DIP2C: variants seen among roughly 807,000 people sequenced by gnomAD.
DIP2C encodes the protein DIP2 acetate--CoA ligase C (putative).
DIP2C carries 33 observed loss-of-function variants against 192.4 expected under a neutral mutation model. That is an observed-to-expected ratio of 0.17 (90% CI 0.13 to 0.23). The LOEUF (loss-of-function observed/expected upper bound fraction) is 0.23. DIP2C is among the 10% of genes least tolerant of loss of function. The probability of loss-of-function intolerance (pLI) is 1.00; values close to 1 mark genes in which losing one functional copy is unlikely to be tolerated. For synonymous variants in DIP2C, 979 were observed against 864.1 expected, an observed-to-expected ratio of 1.13 and a Z score of -2.33; for missense variants, 1,537 against 2,110.1, an observed-to-expected ratio of 0.73 and a Z score of 5.32.
intron 1 of DIP2C, among the ~76,000 whole-genome samples, chr10:524,556 C>A (rs1411235212): frequency 6.6e-6 from 1 of 152,122 alleles, no homozygotes; most frequent in Non-Finnish European, 1.5e-5. Context: ...GTTGAGATTT[C>A]AAATCTCAAA....
At chr10:625,629 G>C (rs773205964) in intron 1 of DIP2C, among the ~76,000 whole-genome samples, 8 of 152,174 alleles carry the variant, frequency 5.3e-5, no homozygotes, top group Non-Finnish European at 1.2e-4. Context: ...GCCTGCAGAA[G>C]ATGCTAAGCC....
intron 1 of DIP2C, among the ~76,000 whole-genome samples, chr10:488,182 G>T (rs1323125807): frequency 6.6e-6 from 1 of 152,156 alleles, no homozygotes; most frequent in Non-Finnish European, 1.5e-5. Context: ...GGGAAAGGGT[G>T]GCAGCACTGA....
At chr10:605,782 T>C (rs1180997995) in intron 1 of DIP2C, among the ~76,000 whole-genome samples, 2 of 152,216 alleles carry the variant, frequency 1.3e-5, no homozygotes, top group Non-Finnish European at 2.9e-5. Context: ...AGGGCTATGA[T>C]ACTCAACAAG....
At chr10:417,081 C>T (rs1965691601) in intron 6 of DIP2C, among the ~76,000 whole-genome samples, 1 of 152,058 alleles carries the variant, frequency 6.6e-6, no homozygotes, top group African/African-American at 2.4e-5. Context: ...ACACACAATC[C>T]AGAACTCTCA....
intron 22 of DIP2C, among the ~76,000 whole-genome samples, chr10:360,210 CCT>C (rs1350790019): frequency 6.6e-6 from 1 of 152,130 alleles, no homozygotes; most frequent in Non-Finnish European, 1.5e-5. Flanking sequence ...CAGACTAGGG[CCT>C]GTTTTCCCGA....
At chr10:600,300 A>T (rs549474014) in intron 1 of DIP2C, among the ~76,000 whole-genome samples, 1 of 152,274 alleles carries the variant, frequency 6.6e-6, no homozygotes, top group African/African-American at 2.4e-5. Context: ...GCAGATGGTG[A>T]CACAGCCTCA....
chr10:362,455 C>T (rs1173707209), intron 22 of DIP2C, 35 bp downstream of exon 22: 2 of 1,605,896 alleles, frequency 1.2e-6, no homozygotes, highest in African/African-American at 2.7e-5. Context: ...AAGGGAACTC[C>T]CGCACCTCAC....
At chr10:436,250 T>C (rs1315099165) in intron 4 of DIP2C, among the ~76,000 whole-genome samples, 1 of 152,240 alleles carries the variant, frequency 6.6e-6, no homozygotes, top group African/African-American at 2.4e-5. Flanking sequence ...AGTGATTGTT[T>C]GCTTAATATT....
intron 1 of DIP2C, among the ~76,000 whole-genome samples, chr10:631,788 A>G (rs1164846785): frequency 6.6e-6 from 1 of 152,258 alleles, no homozygotes; most frequent in South Asian, 2.1e-4. Context: ...AGAGCTTAGC[A>G]GCTTAATGTT....
At chr10:374,536 T>C (rs1364343579) in intron 17 of DIP2C, among the ~76,000 whole-genome samples, 2 of 152,232 alleles carry the variant, frequency 1.3e-5, no homozygotes, top group Non-Finnish European at 2.9e-5. Context: ...AAGCCACTGC[T>C]GTGGAGTGGA....
At chr10:512,925 A>G (rs1322189755) in intron 1 of DIP2C, among the ~76,000 whole-genome samples, 7 of 148,838 alleles carry the variant, frequency 4.7e-5, no homozygotes, top group African/African-American at 1.5e-4. Flanking sequence ...ACTTCAGGAA[A>G]AAAAAAAAAA....
At chr10:598,184 G>T (rs1033292949) in intron 1 of DIP2C, among the ~76,000 whole-genome samples, 9 of 152,176 alleles carry the variant, frequency 5.9e-5, no homozygotes, top group Admixed American at 2.6e-4. Flanking sequence ...CTCACTGGGG[G>T]AGGCCAAGGC....
chr10:405,112 A>C (rs1021942140), intron 9 of DIP2C, among the ~76,000 whole-genome samples: 53 of 152,256 alleles, frequency 3.5e-4, no homozygotes, highest in Admixed American at 3.3e-3. Flanking sequence ...CTGACTTGTT[A>C]ATCTTCCCAG....
intron 34 of DIP2C, among the ~76,000 whole-genome samples, chr10:283,852 G>A (rs1051607277): frequency 6.6e-6 from 1 of 151,966 alleles, no homozygotes; most frequent in Non-Finnish European, 1.5e-5. Flanking sequence ...ATTTCACCTG[G>A]TTAGCTAATA....
chr10:485,633 A>G (rs1843960855), intron 2 of DIP2C, among the ~76,000 whole-genome samples: 1 of 152,234 alleles, frequency 6.6e-6, no homozygotes, highest in African/African-American at 2.4e-5. Flanking sequence ...GGGCCTCGGG[A>G]AGAACAGAAT....
chr10:658,337 ACCTGC>A (rs1470071712), intron 1 of DIP2C, among the ~76,000 whole-genome samples: 1 of 139,842 alleles, frequency 7.2e-6, no homozygotes, highest in African/African-American at 2.5e-5. Context: ...CTGACACTGG[ACCTGC>A]CCCTGGACCT....
chr10:586,374 CCCA>C (rs1241868259), intron 1 of DIP2C, among the ~76,000 whole-genome samples: 6 of 152,150 alleles, frequency 3.9e-5, no homozygotes, highest in Admixed American at 1.3e-4. Flanking sequence ...AGTTTTCCAC[CCCA>C]CCACAAGCGG....
rs114718324 is a variant in DIP2C, at chr10:373,545, T to C, written c.1992-3912A>G. Among the ~76,000 whole-genome samples, 944 of 152,268 alleles carry C rather than the reference T, an allele frequency of 6.2e-3. 4 individuals are homozygous for C. The highest frequency in any genetic ancestry group is 0.014 in the Middle Eastern group (4 of 294). Reference sequence around the variant, plus strand: ...TAATGTAAGAGTCTCAGAACATGTCTGGGGTCCACGGTCTAAAACCCCTTG... The same window carrying C: ...TAATGTAAGAGTCTCAGAACATGTCCGGGGTCCACGGTCTAAAACCCCTTG... On this transcript the variant is annotated intron_variant, in intron 17 of 36. Coordinates refer to ENST00000280886, the MANE Select transcript of DIP2C (RefSeq NM_014974.3).
At chr10:521,759 T>G (rs1846719344) in intron 1 of DIP2C, among the ~76,000 whole-genome samples, 1 of 152,162 alleles carries the variant, frequency 6.6e-6, no homozygotes, top group Non-Finnish European at 1.5e-5. Context: ...GCACTATTTT[T>G]TGTTTGCCTT....
Sources: allele counts gnomAD v4.1 joint callset (sites outside exome capture counted in the v4.1 genomes callset), GRCh38; gene constraint gnomAD v4.1.1; transcripts MANE v1.5; gene names NCBI Gene and HGNC (gene_info 2026-07-23, HGNC 2026-07-21).